SGMS1: variants seen among roughly 807,000 people sequenced by gnomAD.
SGMS1 encodes phosphatidylcholine:ceramide cholinephosphotransferase 1.
SGMS1 carries 13 observed loss-of-function variants against 46.2 expected under a neutral mutation model. The ratio of observed to expected loss-of-function variants is 0.28; its 90% CI spans 0.18 to 0.45. SGMS1 has a LOEUF of 0.45. Among genes scored for constraint, SGMS1 ranks in the 20% least tolerant of loss-of-function variants. SGMS1 has a pLI of 1.00. For missense variants in SGMS1, 324 were observed against 519.9 expected (o/e 0.62, Z 3.66); for synonymous variants, 203 against 187.8 (o/e 1.08, Z -0.66).
intron 2 of SGMS1, among the ~76,000 whole-genome samples, chr10:50,577,945 C>T (rs1170871027): frequency 6.6e-6 from 1 of 152,152 alleles, no homozygotes; most frequent in Non-Finnish European, 1.5e-5. Flanking sequence ...ATGTTGGTTA[C>T]TACACAATGA....
At position 50,306,178 on chromosome 10, in the gene SGMS1, C is replaced by T. The variant is rs183628920; in HGVS notation, c.*964G>A. ...ATAATTTAAGTGGTACATGTCATTG[C>T]TACCTGATCACAATATGTGAACAGG... On this transcript the variant is annotated 3_prime_UTR_variant, in exon 11 of 11. Coordinates refer to ENST00000361781, the MANE Select transcript of SGMS1 (RefSeq NM_147156.4). The T allele has an allele frequency of 3.3e-5, 5 of 152,714 alleles. No individual in the cohort carries two copies. The East Asian group carries it at 5.6e-4, about 17-fold the overall frequency. 9.5% of individuals were successfully genotyped at this position (152,714 alleles called of 1,614,324 possible).
At position 50,347,544 on chromosome 10, in the gene SGMS1, C is replaced by G. The variant is rs1212733189; in HGVS notation, c.-231-3199G>C. ...GAAGAAAAGGGGAACTCCTTGGCCT[C>G]AGACCCAAGGCCTCCCTTCAAACAC... On this transcript the variant is annotated intron_variant, in intron 6 of 10. Coordinates refer to ENST00000361781, the MANE Select transcript of SGMS1 (RefSeq NM_147156.4). 7.9e-5 allele frequency among the ~76,000 whole-genome samples: 12 copies of G among 152,304 alleles called. No individual in the cohort carries two copies. The East Asian group carries it at 1.9e-3, about 24-fold the overall frequency.
At chr10:50,593,047 G>A (rs906422322) in intron 1 of SGMS1, among the ~76,000 whole-genome samples, 4 of 150,876 alleles carry the variant, frequency 2.7e-5, no homozygotes, top group African/African-American at 9.7e-5. Context: ...AAAGTCCAAA[G>A]ACTCCACCTT....
chr10:50,493,839 C>T (rs1837587417), intron 3 of SGMS1, among the ~76,000 whole-genome samples: 1 of 152,166 alleles, frequency 6.6e-6, no homozygotes, highest in African/African-American at 2.4e-5. Flanking sequence ...GCCCTATTGC[C>T]CAGGCTGGAG....
At chr10:50,580,879 T>C (rs1174150067) in intron 2 of SGMS1, among the ~76,000 whole-genome samples, 1 of 152,186 alleles carries the variant, frequency 6.6e-6, no homozygotes, top group Admixed American at 6.5e-5. Flanking sequence ...GAGTCAACCA[T>C]ACACTTAAAA....
Position 50,307,968 on chromosome 10 carries a change from G to A in SGMS1, c.1062+14C>T, listed in dbSNP as rs765447041. On this transcript the variant is annotated intron_variant, in intron 10 of 10. Transcript: ENST00000361781. This position sits in a 1 kb window ranked among gnomAD's most constrained non-coding sequence, Gnocchi z 4.2. ...GAAACAACAGAAGCTAAAATCAAAAGCGGGGAAACTCACTTGCTGATTGGC... is the reference window on the plus strand; with the variant it reads ...GAAACAACAGAAGCTAAAATCAAAAACGGGGAAACTCACTTGCTGATTGGC... The A allele has an allele frequency of 1.2e-6, 2 of 1,612,966 alleles. No homozygotes were observed. The highest frequency in any genetic ancestry group is 3.3e-5 in the Admixed American group (2 of 59,934).
chr10:50,602,427 T>G (rs893046324), intron 1 of SGMS1, among the ~76,000 whole-genome samples: 3 of 152,240 alleles, frequency 2.0e-5, no homozygotes, highest in African/African-American at 7.2e-5. Context: ...AACTAACACT[T>G]GTGTCACTGG....
At chr10:50,322,461 G>A (rs1474284799) in intron 8 of SGMS1, among the ~76,000 whole-genome samples, 1 of 152,194 alleles carries the variant, frequency 6.6e-6, no homozygotes, top group African/African-American at 2.4e-5. Flanking sequence ...TTACCAACGG[G>A]AAGCTTACAA....
At chr10:50,452,326 T>A (rs1004257766) in intron 5 of SGMS1, among the ~76,000 whole-genome samples, 22 of 152,152 alleles carry the variant, frequency 1.4e-4, no homozygotes, top group Admixed American at 1.4e-3. Context: ...AGCAGACATT[T>A]AAATTAAAAG....
chr10:50,451,861 G>C (rs763178438), intron 5 of SGMS1, among the ~76,000 whole-genome samples: 2 of 152,104 alleles, frequency 1.3e-5, no homozygotes, highest in African/African-American at 4.8e-5. Flanking sequence ...ATCTTCTTGA[G>C]ACTAGTTTCT....
At chr10:50,378,185 T>G (rs575308135) in intron 6 of SGMS1, among the ~76,000 whole-genome samples, 2 of 152,236 alleles carry the variant, frequency 1.3e-5, no homozygotes, top group Non-Finnish European at 2.9e-5. Context: ...TACACTAGCC[T>G]GTTTCCTGGA....
intron 3 of SGMS1, among the ~76,000 whole-genome samples, chr10:50,487,866 A>G (rs1008633157): frequency 2.6e-5 from 4 of 152,094 alleles, no homozygotes; most frequent in African/African-American, 4.8e-5. Context: ...GTTTTATCCA[A>G]TTGAAGGCCT....
At chr10:50,610,518 G>A (rs929321871) in intron 1 of SGMS1, among the ~76,000 whole-genome samples, 40 of 152,108 alleles carry the variant, frequency 2.6e-4, no homozygotes, top group African/African-American at 6.3e-4. Context: ...TCCTGAGAGC[G>A]TTCTCACAAT....
At chr10:50,453,816 GA>G (rs1483908586) in intron 5 of SGMS1, among the ~76,000 whole-genome samples, 6 of 30,560 alleles carry the variant, frequency 2.0e-4, no homozygotes, top group East Asian at 1.0e-3. Context: ...AGGGAGGGAG[GA>G]AGGGAGGGAG....
At chr10:50,624,696 T>G, upstream of SGMS1, 3 of 985,364 alleles carry the variant, frequency 3.0e-6, no homozygotes, top group Non-Finnish European at 2.4e-6. Context: ...CCCCACGTGG[T>G]GCAAGTCGCC....
intron 3 of SGMS1, among the ~76,000 whole-genome samples, chr10:50,511,248 T>TACAC (rs3054272): frequency 0.1 from 14,465 of 141,638 alleles, 1,300 homozygotes; most frequent in East Asian, 0.36. Context: ...CACTCATTCA[T>TACAC]ACACACACAC....
intron 2 of SGMS1, among the ~76,000 whole-genome samples, chr10:50,585,682 A>C (rs948052867): frequency 2.6e-5 from 4 of 152,242 alleles, no homozygotes; most frequent in African/African-American, 9.6e-5. Context: ...CAATCATGGA[A>C]TGGAATTTCA....
At chr10:50,427,972 T>A (rs11005624) in intron 6 of SGMS1, among the ~76,000 whole-genome samples, 1 of 114,288 alleles carries the variant, frequency 8.7e-6, no homozygotes, top group Non-Finnish European at 2.0e-5. Context: ...TGCGTGTGAA[T>A]GAGAGAGAGA....
chr10:50,343,606 G>A lies in SGMS1; in HGVS notation c.509C>T (p.Pro170Leu). Residue 170 changes from proline to leucine, a missense_variant, in exon 7 of 11, where the codon CCG becomes CTG. By Grantham distance (98) the Pro-to-Leu change is moderately conservative. Transcript: ENST00000361781. ...VPPKEVQPPL[P>L]DTFFDHFNRV... ...GTTAAAATGGTCAAAAAATGTGTCC[G>A]GTAGTGGAGGCTGCACCTCCTTAGG... 6.2e-7 allele frequency: 1 copy of A among 1,614,090 alleles called. No individual in the cohort carries two copies. The highest frequency in any genetic ancestry group is 1.1e-5 in the South Asian group (1 of 91,060).
Sources: gnomAD v4.1 joint callset for allele counts (sites outside exome capture counted in the v4.1 genomes callset) on GRCh38, gnomAD v4.1.1 for gene constraint, Gnocchi (gnomAD v3.1) non-coding constraint, MANE v1.5 for transcripts, NCBI Gene and HGNC (gene_info 2026-07-23, HGNC 2026-07-21) for gene names.